The following PRMT3 variants were observed in gnomAD, a reference collection of about 807,000 sequenced individuals.
PRMT3 encodes protein arginine methyltransferase 3.
Under a neutral mutation model 71.9 loss-of-function variants are expected in PRMT3, and 62 were observed. The observed-to-expected ratio is 0.86, with a 90% CI of 0.70 to 1.07. The LOEUF is 1.07. Ranked by LOEUF, PRMT3 falls within the 50% of genes least tolerant of loss-of-function variation. The pLI is 0.00. For synonymous variants in PRMT3, 213 were observed against 220.4 expected (o/e 0.97, Z 0.30); for missense variants, 663 against 643.0 (o/e 1.03, Z -0.34).
At position 20,408,639 on chromosome 11, in the gene PRMT3, A is replaced by G. The variant is rs546417416; in HGVS notation, c.893+607A>G. Reference sequence around the variant, plus strand: ...ACCCTAGTGAGAAGGCCTTTATTTGAAATCCAGCTGACACAACTGAATTTC... The same window carrying G: ...ACCCTAGTGAGAAGGCCTTTATTTGGAATCCAGCTGACACAACTGAATTTC... On this transcript the variant is annotated intron_variant, in intron 9 of 15. Transcript: ENST00000331079. Among the ~76,000 whole-genome samples the G allele has an allele frequency of 2.6e-3, 396 of 152,312 alleles. 3 individuals carry two copies. Among genetic ancestry groups the G allele is most frequent in the Middle Eastern group, 0.017 (5 of 292 alleles).
intron 8 of PRMT3, chr11:20,405,719 C>A (rs1246198837): frequency 6.6e-6 from 1 of 152,170 alleles, no homozygotes; most frequent in Non-Finnish European, 1.5e-5. Flanking sequence ...CTAAACATAT[C>A]TTTCTATACT....
intron 10 of PRMT3, among the ~76,000 whole-genome samples, chr11:20,449,090 T>TG (rs1850093071): frequency 6.6e-6 from 1 of 152,138 alleles, no homozygotes; most frequent in Admixed American, 6.6e-5. Context: ...TATCGTAAAA[T>TG]GAAGTTTAGC....
chr11:20,440,427 C>T (rs1045331344), intron 10 of PRMT3, among the ~76,000 whole-genome samples: 1 of 143,010 alleles, frequency 7.0e-6, no homozygotes, highest in African/African-American at 2.6e-5. Flanking sequence ...GGGCGAATCA[C>T]GAGGTCAGGA....
At chr11:20,470,078 A>T (rs888913702) in intron 13 of PRMT3, among the ~76,000 whole-genome samples, 1 of 152,174 alleles carries the variant, frequency 6.6e-6, no homozygotes, top group Non-Finnish European at 1.5e-5. Flanking sequence ...AACCTAGATT[A>T]TATAGCCTAC....
intron 10 of PRMT3, among the ~76,000 whole-genome samples, chr11:20,451,847 A>G (rs1046903412): frequency 2.0e-5 from 3 of 152,114 alleles, no homozygotes; most frequent in Non-Finnish European, 4.4e-5. Context: ...CTATCCAAAC[A>G]TTTTTTAATG....
At chr11:20,450,989 A>G (rs898384695) in intron 10 of PRMT3, among the ~76,000 whole-genome samples, 2 of 152,198 alleles carry the variant, frequency 1.3e-5, no homozygotes, top group African/African-American at 2.4e-5. Context: ...TGTGCTGAGC[A>G]CTTGGCTTTC....
intron 15 of PRMT3, among the ~76,000 whole-genome samples, chr11:20,497,503 A>T (rs1316449428): frequency 4.2e-5 from 2 of 47,996 alleles, no homozygotes; most frequent in African/African-American, 9.9e-5. Context: ...GAGTATAAAG[A>T]AAGGATCATG....
intron 13 of PRMT3, among the ~76,000 whole-genome samples, chr11:20,471,098 C>A (rs1850634064): frequency 6.6e-6 from 1 of 151,586 alleles, no homozygotes; most frequent in Non-Finnish European, 1.5e-5. Context: ...TGCATTAGTT[C>A]TCGGTAGATT....
intron 15 of PRMT3, 115 bp downstream of exon 15, chr11:20,494,369 C>T (rs1424281267): frequency 1.8e-5 from 16 of 896,102 alleles, no homozygotes; most frequent in South Asian, 8.1e-5. Context: ...GACGGAGTCT[C>T]GCTGTCTCAC....
chr11:20,440,036 C>G (rs1357699784), intron 10 of PRMT3, among the ~76,000 whole-genome samples: 1 of 152,060 alleles, frequency 6.6e-6, no homozygotes, highest in Non-Finnish European at 1.5e-5. Flanking sequence ...AATGTCCTTA[C>G]TGGGGAAAAT....
chr11:20,393,653 T>A (rs1848764859), intron 5 of PRMT3: 1 of 152,234 alleles, frequency 6.6e-6, no homozygotes, highest in South Asian at 2.1e-4. Context: ...ATTAGACTGT[T>A]CTAGCAAATT....
At chr11:20,409,107 T>G (rs1041974747) in intron 9 of PRMT3, among the ~76,000 whole-genome samples, 1 of 152,062 alleles carries the variant, frequency 6.6e-6, no homozygotes, top group Non-Finnish European at 1.5e-5. Flanking sequence ...CAAAAAAAAT[T>G]TTTTAAATTT....
At chr11:20,498,699 C>T (rs1851390222) in intron 15 of PRMT3, among the ~76,000 whole-genome samples, 1 of 152,088 alleles carries the variant, frequency 6.6e-6, no homozygotes. Flanking sequence ...CACTGCATTC[C>T]AGCCTGGGCA....
intron 5 of PRMT3, 58 bp from the exon 6 acceptor site, chr11:20,395,741 ATATT>A: frequency 6.7e-7 from 1 of 1,491,198 alleles, no homozygotes. Flanking sequence ...TATTCCTAAC[ATATT>A]TATACTTGTT....
At chr11:20,393,229 C>G (rs545932139) in intron 5 of PRMT3, among the ~76,000 whole-genome samples, 16 of 152,272 alleles carry the variant, frequency 1.1e-4, no homozygotes, top group South Asian at 4.1e-4. Context: ...GGGCAGATCA[C>G]GAGGTCAGGA....
chr11:20,417,347 TATATCTATTAGG>T (rs1369185697), intron 9 of PRMT3, among the ~76,000 whole-genome samples: 1 of 152,188 alleles, frequency 6.6e-6, no homozygotes, highest in Non-Finnish European at 1.5e-5. Flanking sequence ...TGTATCTATT[TATATCTATTAGG>T]ATATTCCTTT....
chr11:20,452,156 G>A lies in PRMT3; in HGVS notation c.1020G>A (p.Met340Ile). 1 of 1,609,704 alleles carries A rather than the reference G, an allele frequency of 6.2e-7. No homozygotes were observed. The change falls in exon 11 of 16, where the codon ATG becomes ATA. Residue 340 changes from methionine (M) to isoleucine (I), a missense_variant. Coordinates refer to ENST00000331079, the MANE Select transcript of PRMT3 (RefSeq NM_005788.4). ...GCTATTTTCTTCTGTTTGAGTCTAT[G>A]TTAGATTCTGTCCTTTATGCAAAGA... ...WMGYFLLFES[M>I]LDSVLYAKNK... is the part of the protein sequence containing the mutation.
chr11:20,455,746 G>C (rs1392408963), intron 11 of PRMT3, among the ~76,000 whole-genome samples: 1 of 151,140 alleles, frequency 6.6e-6, no homozygotes, highest in Non-Finnish European at 1.5e-5. Flanking sequence ...ATTGGTTCTT[G>C]AGAGATGCGT....
chr11:20,405,663 T>G (rs1021351634), intron 8 of PRMT3: 3 of 152,224 alleles, frequency 2.0e-5, no homozygotes, highest in Non-Finnish European at 4.4e-5. Context: ...TATGAATGTA[T>G]GTATGGATAG....
Sources: allele counts gnomAD v4.1 joint callset (sites outside exome capture counted in the v4.1 genomes callset), GRCh38; gene constraint gnomAD v4.1.1; transcripts MANE v1.5; gene names NCBI Gene and HGNC (gene_info 2026-07-23, HGNC 2026-07-21).